IGF2R: variants seen among roughly 807,000 people sequenced by gnomAD.
IGF2R encodes the protein insulin like growth factor 2 receptor.
IGF2R carries 91 observed loss-of-function variants against 270.6 expected under a neutral mutation model. The ratio of observed to expected loss-of-function variants is 0.34; its 90% CI spans 0.28 to 0.40. IGF2R has a LOEUF of 0.40. IGF2R is among the 10% of genes least tolerant of loss of function. The pLI is 1.00. For missense variants in IGF2R, 2,805 were observed against 3,188.3 expected (o/e 0.88, Z 2.90); for synonymous variants, 1,316 against 1,258.9 (o/e 1.05, Z -0.96).
rs773009517 is a variant in IGF2R, at chr6:160,024,627, T to C, written c.569T>C (p.Ile190Thr). 47 of 1,613,984 alleles carry C rather than the reference T, an allele frequency of 2.9e-5. No individual in the cohort carries two copies. Among genetic ancestry groups the C allele is most frequent in the Non-Finnish European group, 3.3e-5 (39 of 1,179,968 alleles). ...ELRKHDLNPL[I>T]KLSGAYLVDD... ...AGGAAGCATGATCTCAATCCTCTGA[T>C]CAAGCTTAGTGGTGCCTACTTGGTG... Residue 190 changes from isoleucine to threonine, a missense_variant, in exon 5 of 48, where the codon ATC becomes ACC. This residue lies in a region of IGF2R where 954 missense variants were observed against 981.1 expected (regional missense o/e 0.97). Coordinates refer to ENST00000356956, the MANE Select transcript of IGF2R (RefSeq NM_000876.4).
intron 12 of IGF2R, among the ~76,000 whole-genome samples, chr6:160,044,065 G>A (rs1778010534): frequency 6.6e-6 from 1 of 152,170 alleles, no homozygotes; most frequent in Non-Finnish European, 1.5e-5. Context: ...AACAGGTTTC[G>A]TTAATTTCTG....
At chr6:160,048,202 G>A (rs148714659) in intron 17 of IGF2R, among the ~76,000 whole-genome samples, 173 bp from the exon 18 acceptor site, 127 of 152,336 alleles carry the variant, frequency 8.3e-4, no homozygotes, top group African/African-American at 2.9e-3. Context: ...TGAGTTCAGC[G>A]AAGGTGGAGT....
chr6:160,043,927 T>C (rs1778007835), intron 12 of IGF2R, among the ~76,000 whole-genome samples: 1 of 152,250 alleles, frequency 6.6e-6, no homozygotes, highest in Non-Finnish European at 1.5e-5. Flanking sequence ...GAATTGCTGG[T>C]GTGTCTTTAA....
Position 160,075,974 on chromosome 6 carries a change from A to G in IGF2R, c.5294A>G (p.His1765Arg), listed in dbSNP as rs770452676. The G allele has an allele frequency of 6.2e-7, 1 of 1,614,176 alleles. No homozygotes were observed. Residue 1765 changes from histidine to arginine, a missense_variant, in exon 36 of 48, where the codon CAC becomes CGC. Around this residue, in one of 2 missense-constraint regions of IGF2R, gnomAD observed 1,851 missense variants for 2,207.2 expected, o/e 0.84. Transcript: ENST00000356956. ...AACTACACCTCGCTCATCGCGTTTCACTGTAAGAGAGGTGTGAGCATGGTA... is the reference window on the plus strand; with the variant it reads ...AACTACACCTCGCTCATCGCGTTTCGCTGTAAGAGAGGTGTGAGCATGGTA... ...HFNYTSLIAF[H>R]CKRGVSMGTP...
Position 160,060,593 on chromosome 6 carries a change from T to C in IGF2R, c.3138T>C (p.Val1046=). The C allele has an allele frequency of 6.2e-7, 1 of 1,614,276 alleles. No homozygotes were observed. The highest frequency in any genetic ancestry group is 8.5e-7 in the Non-Finnish European group (1 of 1,180,042). ...TCCGCTTTGTTTGCAATGATGATGT[T>C]TACTCAGGGCCCCTCAAATTCCTGC... ...FIVRFVCNDD[V]YSGPLKFLHQ... Residue 1046 remains valine, a synonymous_variant, in exon 23 of 48, where the codon GTT becomes GTC. Transcript: ENST00000356956.
intron 1 of IGF2R, among the ~76,000 whole-genome samples, chr6:159,984,085 C>A (rs1286837509): frequency 2.0e-5 from 3 of 152,190 alleles, no homozygotes; most frequent in Admixed American, 6.5e-5. Flanking sequence ...AATCTTCAGA[C>A]AGTTCACAGC....
intron 2 of IGF2R, among the ~76,000 whole-genome samples, chr6:159,996,111 C>T (rs968156458): frequency 6.6e-6 from 1 of 151,836 alleles, no homozygotes; most frequent in Admixed American, 6.6e-5. Context: ...TATAGTTGGC[C>T]TTTTTGTGGT....
At chr6:160,003,569 A>G (rs1344852294) in intron 2 of IGF2R, 1 of 152,174 alleles carries the variant, frequency 6.6e-6, no homozygotes, top group Non-Finnish European at 1.5e-5. Flanking sequence ...TTTTCTTCTT[A>G]TTTACTTGGT....
At chr6:160,055,815 A>G (rs544889007) in intron 19 of IGF2R, among the ~76,000 whole-genome samples, 2 of 152,308 alleles carry the variant, frequency 1.3e-5, no homozygotes, top group East Asian at 3.9e-4. Context: ...ATCGGCAGCT[A>G]CCATTGCCTG....
chr6:160,005,471 G>C (rs1394079474), intron 2 of IGF2R: 3 of 152,094 alleles, frequency 2.0e-5, no homozygotes, highest in Admixed American at 2.0e-4. Context: ...GCGAGGAGTG[G>C]GTGTGCGCCC....
chr6:160,057,061 G>T (rs544718888), intron 20 of IGF2R, among the ~76,000 whole-genome samples: 3 of 152,144 alleles, frequency 2.0e-5, no homozygotes, highest in East Asian at 1.9e-4. Context: ...AGGCTTGTGT[G>T]TCTCACCGTG....
In IGF2R at chr6:160,098,447, G is replaced by T. The variant is rs9456501; in HGVS notation, c.6842+1822G>T. 3.5e-3 allele frequency among the ~76,000 whole-genome samples: 526 copies of T among 152,280 alleles called. 3 individuals carry two copies. The highest frequency in any genetic ancestry group is 0.012 in the African/African-American group (518 of 41,544). On this transcript the variant is annotated intron_variant, in intron 45 of 47. Coordinates refer to ENST00000356956, the MANE Select transcript of IGF2R (RefSeq NM_000876.4). The stretch of plus-strand genomic sequence containing the variant: ...AGATGGTGGATTTTGAGGGATGCAG[G>T]TACCACCCGGGGGTGACGTGGAATA...
chr6:160,080,091 C>T, intron 38 of IGF2R, 38 bp from the exon 39 acceptor site: 1 of 1,607,500 alleles, frequency 6.2e-7, no homozygotes, highest in Non-Finnish European at 8.5e-7. Context: ...CCTGGCGAGG[C>T]ACAGCTGCCA....
chr6:160,084,890 T>C lies in IGF2R; in HGVS notation c.6069-105T>C, dbSNP rs150281655. 7.9e-4 allele frequency: 850 copies of C among 1,070,114 alleles called. 8 individuals carry two copies. In the African/African-American group the frequency reaches 0.013, roughly 16 times the overall value. The allele number at this position is 1,070,114 out of a possible 1,614,324, so 66.3% of individuals were successfully genotyped here. Reference sequence around the variant, plus strand: ...ACATTCAGTGATGGAATGGAGCCCTTAGTTATCAGAACCTTTCTCTGAAAG... The same window carrying C: ...ACATTCAGTGATGGAATGGAGCCCTCAGTTATCAGAACCTTTCTCTGAAAG... On this transcript the variant is annotated intron_variant, in intron 40 of 47. Coordinates refer to ENST00000356956, the MANE Select transcript of IGF2R (RefSeq NM_000876.4). The surrounding 1 kb of genome is among the most constrained non-coding windows in gnomAD (Gnocchi z 4.6).
chr6:160,002,532 C>T (rs1784146457), intron 2 of IGF2R, among the ~76,000 whole-genome samples: 1 of 152,152 alleles, frequency 6.6e-6, no homozygotes. Context: ...AGGGACTGGT[C>T]TTGTTGTTCT....
At chr6:160,020,333 A>G (rs71565761) in intron 4 of IGF2R, among the ~76,000 whole-genome samples, 16,063 of 152,240 alleles carry the variant, frequency 0.11, 987 homozygotes, top group South Asian at 0.23. Context: ...TCCCATGTTC[A>G]TGAATTGGAA....
In IGF2R at chr6:160,082,186, C is replaced by T. The variant is rs538873384; in HGVS notation, c.5834-1764C>T. Among the ~76,000 whole-genome samples the T allele has an allele frequency of 1.1e-4, 17 of 152,344 alleles. No individual in the cohort carries two copies. In the East Asian group the frequency reaches 1.2e-3, roughly 10 times the overall value. On this transcript the variant is annotated intron_variant, in intron 39 of 47. Transcript: ENST00000356956. ...AAATGGGATGTATTAAGGAACCAAA[C>T]GTGTTAAATTTACGAAGGATTGCTA...
chr6:160,015,878 T>G (rs1265606692), intron 4 of IGF2R, among the ~76,000 whole-genome samples: 1 of 152,208 alleles, frequency 6.6e-6, no homozygotes, highest in African/African-American at 2.4e-5. Flanking sequence ...TCAAAGTTTC[T>G]GGTTGTTTCA....
chr6:160,048,256 A>G, intron 17 of IGF2R, 119 bp from the exon 18 acceptor site: 1 of 943,000 alleles, frequency 1.1e-6, no homozygotes, highest in Non-Finnish European at 1.7e-6. Flanking sequence ...AACTCCTGGT[A>G]GTGTGATTGG....
Sources: gnomAD v4.1 joint callset for allele counts (sites outside exome capture counted in the v4.1 genomes callset) on GRCh38, gnomAD v4.1.1 for gene constraint, gnomAD v4.1.1 regional missense constraint, Gnocchi (gnomAD v3.1) non-coding constraint, MANE v1.5 for transcripts, NCBI Gene and HGNC (gene_info 2026-07-23, HGNC 2026-07-21) for gene names.